NIT2: variants seen among roughly 807,000 people sequenced by gnomAD.
NIT2 encodes the protein omega-amidase NIT2.
A neutral mutation model predicts 42.7 loss-of-function variants in NIT2; 46 were observed. That is an observed-to-expected ratio of 1.08 (90% CI 0.85 to 1.38). NIT2 has a LOEUF of 1.38. Among genes scored for constraint, NIT2 ranks in the 40% most tolerant of loss-of-function variants. The pLI, the probability that NIT2 is intolerant of heterozygous loss-of-function variation, is 0.00. For synonymous variants in NIT2, 123 were observed against 121.9 expected, an observed-to-expected ratio of 1.01 and a Z score of -0.06; for missense variants, 309 against 342.5, an observed-to-expected ratio of 0.90 and a Z score of 0.77.
chr3:100,349,106 TAC>T, intron 7 of NIT2: 2 of 391,594 alleles, frequency 5.1e-6, no homozygotes, highest in Non-Finnish European at 4.6e-6. Flanking sequence ...TTGGAAACTG[TAC>T]TTTTTTTTTT....
At chr3:100,346,121 C>A in intron 5 of NIT2, 60 bp from the exon 6 acceptor site, 1 of 1,358,024 alleles carries the variant, frequency 7.4e-7, no homozygotes, top group Non-Finnish European at 1.1e-6. Flanking sequence ...AGGATTTCCC[C>A]TGCCACACCA....
intron 1 of NIT2, 106 bp from the exon 2 acceptor site, chr3:100,338,981 G>C: frequency 1.3e-6 from 1 of 788,732 alleles, no homozygotes. Context: ...GACATTGTCA[G>C]ATGTCCCCCC....
chr3:100,347,879 T>C (rs767415829), intron 6 of NIT2, among the ~76,000 whole-genome samples: 1 of 152,002 alleles, frequency 6.6e-6, no homozygotes, highest in Non-Finnish European at 1.5e-5. Context: ...GTTTGGGCCA[T>C]CTACCTTTAT....
At chr3:100,350,474 T>C (rs1443535386) in intron 7 of NIT2, among the ~76,000 whole-genome samples, 1 of 152,208 alleles carries the variant, frequency 6.6e-6, no homozygotes, top group African/African-American at 2.4e-5. Flanking sequence ...CCGGCCACCT[T>C]GACTTGCTTT....
intron 2 of NIT2, 151 bp from the exon 3 acceptor site, chr3:100,339,664 A>T: frequency 4.3e-6 from 3 of 693,690 alleles, no homozygotes; most frequent in Non-Finnish European, 7.1e-6. Flanking sequence ...CAGGCTCTTT[A>T]CCCTTGAGAT....
intron 6 of NIT2, among the ~76,000 whole-genome samples, chr3:100,347,032 G>A (rs777272631): frequency 1.3e-5 from 2 of 152,084 alleles, no homozygotes; most frequent in African/African-American, 4.8e-5. Flanking sequence ...ATTACAAAAC[G>A]TGGTCATTGG....
intron 4 of NIT2, among the ~76,000 whole-genome samples, chr3:100,342,137 T>G (rs1431252475): frequency 1.3e-5 from 2 of 152,214 alleles, no homozygotes; most frequent in Non-Finnish European, 2.9e-5. Flanking sequence ...TTTCTTGTAA[T>G]ACCTCTTGTC....
chr3:100,346,139 G>A lies in NIT2; in HGVS notation c.431-42G>A, dbSNP rs115517844. 9.0e-5 allele frequency: 136 copies of A among 1,516,830 alleles called. No homozygotes were observed. In the African/African-American group the frequency reaches 1.6e-3, roughly 18 times the overall value. The allele number at this position is 1,516,830 out of a possible 1,614,324, so 94.0% of individuals were successfully genotyped here. On this transcript the variant is annotated intron_variant, in intron 5 of 9. Transcript: ENST00000394140. ...ATTTCCCCTGCCACACCATGCTGTA[G>A]GGAGTTAACTTTTCATTTGTGCATT...
intron 1 of NIT2, among the ~76,000 whole-genome samples, chr3:100,335,800 C>T (rs1430122341): frequency 6.6e-6 from 1 of 152,174 alleles, no homozygotes; most frequent in African/African-American, 2.4e-5. Flanking sequence ...GTTCACGAGT[C>T]AAGAGTTGGA....
At chr3:100,340,033 TTCAGCTTGGGAAGCTGAAGCAGA>T (rs1379546915) in intron 3 of NIT2, 98 bp downstream of exon 3, 1 of 1,009,152 alleles carries the variant, frequency 9.9e-7, no homozygotes, top group East Asian at 2.7e-5. Flanking sequence ...CTTGGGAAGC[TTCAGCTTGGGAAGCTGAAGCAGA>T]GAGTTTCTTT....
chr3:100,346,377 C>G (rs148165953), intron 6 of NIT2, 122 bp downstream of exon 6: 2 of 819,432 alleles, frequency 2.4e-6, no homozygotes, highest in African/African-American at 1.7e-5. Context: ...ATCTTCAGCC[C>G]TTTCACCCCC....
intron 8 of NIT2, 110 bp downstream of exon 8, chr3:100,352,612 C>T: frequency 3.0e-6 from 2 of 672,922 alleles, no homozygotes; most frequent in Non-Finnish European, 5.2e-6. Flanking sequence ...ACTTCTCACT[C>T]CCATTTCCCC....
rs1252938951 is a variant in NIT2, at chr3:100,361,182, G to A, written c.*5914G>A. 6.6e-6 allele frequency: 1 copy of A among 152,206 alleles called. No individual in the cohort carries two copies. The highest frequency in any genetic ancestry group is 2.4e-5 in the African/African-American group (1 of 41,432). 9.4% of individuals were successfully genotyped at this position (152,206 alleles called of 1,614,324 possible). On this transcript the variant is annotated 3_prime_UTR_variant, in exon 10 of 10. Transcript: ENST00000394140. ...GAGCAATATTGAGAAATAAAATCAG[G>A]TAAAAGTTATTTAATATAGCAGTTC...
chr3:100,352,620 C>G (rs901087675), intron 8 of NIT2, 118 bp downstream of exon 8: 1 of 634,330 alleles, frequency 1.6e-6, no homozygotes, highest in Non-Finnish European at 2.8e-6. Context: ...CTCCCATTTC[C>G]CCACATATCC....
rs758496085 is a variant in NIT2 at position 100,356,007 on chromosome 3, G to A, written c.*739G>A. 3.3e-5 allele frequency: 5 copies of A among 152,106 alleles called. No individual in the cohort carries two copies. The highest frequency in any genetic ancestry group is 5.9e-5 in the Non-Finnish European group (4 of 68,022). The allele number at this position is 152,106 out of a possible 1,614,324, so 9.4% of individuals were successfully genotyped here. On this transcript the variant is annotated 3_prime_UTR_variant, in exon 10 of 10. Coordinates refer to ENST00000394140, the MANE Select transcript of NIT2 (RefSeq NM_020202.5). ...CCCCAGTAACACTTTCTAGCTCCAC[G>A]GATAAGGAATCACTGAACCTAGTAG... is the stretch of plus-strand genomic sequence containing the variant.
Position 100,355,521 on chromosome 3 carries a change from C to T in NIT2, c.*253C>T, listed in dbSNP as rs1355871954. ...AGCTTCTTCCATACTTAAGTTGCCT[C>T]CAAGCAGTTTGTGAAAGTATCAGAT... is the stretch of plus-strand genomic sequence containing the variant. On this transcript the variant is annotated 3_prime_UTR_variant, in exon 10 of 10. Transcript: ENST00000394140. The T allele has an allele frequency of 2.6e-6, 1 of 387,766 alleles. No individual in the cohort carries two copies. Among genetic ancestry groups the T allele is most frequent in the Non-Finnish European group, 4.6e-6 (1 of 218,192 alleles). The allele number at this position is 387,766 out of a possible 1,614,324, so 24.0% of individuals were successfully genotyped here.
chr3:100,346,114 A>G (rs1576201172), intron 5 of NIT2, 67 bp from the exon 6 acceptor site: 1 of 1,260,564 alleles, frequency 7.9e-7, no homozygotes, highest in African/African-American at 1.5e-5. Flanking sequence ...GTCATGGAGG[A>G]TTTCCCCTGC....
rs1054855643 is a variant in NIT2 at position 100,354,752 on chromosome 3, C to A, written c.684-20C>A. ...CCAAACATCAGTGAATCCACTCATTCTCTTCTGCATCTTTTTCAGGGGGGA... is the reference window on the plus strand; with the variant it reads ...CCAAACATCAGTGAATCCACTCATTATCTTCTGCATCTTTTTCAGGGGGGA... On this transcript the variant is annotated intron_variant, in intron 8 of 9. Coordinates refer to ENST00000394140, the MANE Select transcript of NIT2 (RefSeq NM_020202.5). The A allele has an allele frequency of 4.4e-6, 7 of 1,598,430 alleles. No individual in the cohort carries two copies. The highest frequency in any genetic ancestry group is 6.0e-6 in the Non-Finnish European group (7 of 1,171,132).
intron 4 of NIT2, among the ~76,000 whole-genome samples, chr3:100,342,269 G>A (rs954562025): frequency 6.6e-6 from 1 of 152,032 alleles, no homozygotes; most frequent in African/African-American, 2.4e-5. Flanking sequence ...TATATTTTAA[G>A]TGGATCTCTT....
Sources: gnomAD v4.1 joint callset for allele counts (sites outside exome capture counted in the v4.1 genomes callset) on GRCh38, gnomAD v4.1.1 for gene constraint, MANE v1.5 for transcripts, NCBI Gene and HGNC (gene_info 2026-07-23, HGNC 2026-07-21) for gene names.